Variants in ATP13A4 observed in about 807,000 individuals in gnomAD.
ATP13A4 encodes ATPase 13A4.
Under a neutral mutation model 142.5 loss-of-function variants are expected in ATP13A4, and 114 were observed. The ratio of observed to expected loss-of-function variants is 0.80; its 90% confidence interval spans 0.69 to 0.93. ATP13A4 has a LOEUF of 0.93. Ranked by LOEUF, ATP13A4 falls within the 40% of genes least tolerant of loss-of-function variation. ATP13A4 has a pLI of 0.00. For missense variants in ATP13A4, 1,392 were observed against 1,454.0 expected, an observed-to-expected ratio of 0.96 and a Z score of 0.69; for synonymous variants, 488 against 514.8, an observed-to-expected ratio of 0.95 and a Z score of 0.70.
intron 17 of ATP13A4, among the ~76,000 whole-genome samples, chr3:193,451,136 T>G (rs1435523407): frequency 1.3e-5 from 2 of 152,180 alleles, no homozygotes; most frequent in East Asian, 1.9e-4. Flanking sequence ...TTCAGCCTCT[T>G]GAACCTGGTG....
intron 1 of ATP13A4, among the ~76,000 whole-genome samples, chr3:193,587,139 A>G (rs1229537422): frequency 6.6e-6 from 1 of 152,208 alleles, no homozygotes; most frequent in Non-Finnish European, 1.5e-5. Flanking sequence ...ATTAGTCTCC[A>G]ATGGCTGCTG....
intron 1 of ATP13A4, among the ~76,000 whole-genome samples, chr3:193,548,842 T>C (rs935023497): frequency 4.6e-5 from 7 of 152,216 alleles, no homozygotes; most frequent in African/African-American, 1.7e-4. Flanking sequence ...CGAAATGACA[T>C]GGAAGTCCAA....
chr3:193,529,691 TG>T (rs1396149706), intron 1 of ATP13A4, among the ~76,000 whole-genome samples: 3 of 152,216 alleles, frequency 2.0e-5, no homozygotes, highest in South Asian at 2.1e-4. Context: ...TTTATTCATT[TG>T]TTTTTTTAGG....
intron 1 of ATP13A4, among the ~76,000 whole-genome samples, chr3:193,531,759 C>T (rs1722352189): frequency 6.6e-6 from 1 of 152,122 alleles, no homozygotes; most frequent in Non-Finnish European, 1.5e-5. Flanking sequence ...CAGTGCTACT[C>T]CTTACTGGGT....
chr3:193,507,368 T>C (rs1252365676), intron 2 of ATP13A4, among the ~76,000 whole-genome samples: 1 of 152,140 alleles, frequency 6.6e-6, no homozygotes, highest in Admixed American at 6.6e-5. Flanking sequence ...CTGGCCAGAC[T>C]CATTGATGCT....
intron 2 of ATP13A4, among the ~76,000 whole-genome samples, chr3:193,578,031 ACT>A (rs779675797): frequency 4.0e-4 from 61 of 152,130 alleles, no homozygotes; most frequent in Admixed American, 4.6e-4. Flanking sequence ...GCGGTGGCTC[ACT>A]CTTATAATCC....
At chr3:193,489,068 T>C (rs1351965110) in intron 7 of ATP13A4, among the ~76,000 whole-genome samples, 2 of 152,156 alleles carry the variant, frequency 1.3e-5, no homozygotes, top group Non-Finnish European at 2.9e-5. Context: ...AATAGTGATA[T>C]CTGCTGAATT....
At chr3:193,450,235 C>T (rs1377314704) in intron 17 of ATP13A4, among the ~76,000 whole-genome samples, 2 of 152,168 alleles carry the variant, frequency 1.3e-5, no homozygotes, top group Non-Finnish European at 2.9e-5. Context: ...TGCTTTGTCA[C>T]ACTGTCTCAG....
intron 2 of ATP13A4, among the ~76,000 whole-genome samples, chr3:193,504,245 A>T (rs909508589): frequency 6.6e-6 from 1 of 152,160 alleles, no homozygotes; most frequent in East Asian, 1.9e-4. Context: ...GAAGGGAGCT[A>T]AATTTTCAAT....
chr3:193,493,639 G>A (rs1367809368), intron 3 of ATP13A4, among the ~76,000 whole-genome samples: 1 of 152,124 alleles, frequency 6.6e-6, no homozygotes, highest in Non-Finnish European at 1.5e-5. Context: ...TGAGAAAATA[G>A]AAAGTATTTT....
intron 25 of ATP13A4, among the ~76,000 whole-genome samples, chr3:193,423,087 T>C (rs1715483765): frequency 6.7e-6 from 1 of 149,748 alleles, no homozygotes. Context: ...TATGAACAAC[T>C]GTATGCCAAC....
intron 1 of ATP13A4, among the ~76,000 whole-genome samples, chr3:193,536,369 A>G (rs1222408718): frequency 6.6e-6 from 1 of 152,080 alleles, no homozygotes; most frequent in Non-Finnish European, 1.5e-5. Context: ...TTGATTTAGC[A>G]GACCACCATG....
chr3:193,407,961 C>T (rs144954386), intron 28 of ATP13A4, among the ~76,000 whole-genome samples: 1 of 152,248 alleles, frequency 6.6e-6, no homozygotes, highest in East Asian at 1.9e-4. Flanking sequence ...CTCACAAGGG[C>T]CCTTGCCAAA....
In ATP13A4 at chr3:193,467,391, G is replaced by C. The variant is rs375719038; in HGVS notation, c.1039C>G (p.Leu347Val). The change falls in exon 10 of 30, where the codon CTC becomes GTC. Residue 347 changes from leucine to valine, a missense_variant. Physicochemically the swap from Leu to Val is conservative, Grantham distance 32. Transcript: ENST00000342695. ...TGGATAACCTCTGTTCCACAGAAGA[G>C]GACATGCCGCTTGTAATCCGCTTCA... ...QSEADYKRHV[L>V]FCGTEVIQAK... The C allele has an allele frequency of 1.9e-6, 3 of 1,613,992 alleles. No homozygotes were observed. The highest frequency in any genetic ancestry group is 2.5e-6 in the Non-Finnish European group (3 of 1,180,018).
chr3:193,579,254 AAG>A (rs1724478474), intron 2 of ATP13A4: 1 of 171,096 alleles, frequency 5.8e-6, no homozygotes, highest in Non-Finnish European at 1.2e-5. Context: ...GGAATAGTTG[AAG>A]ACACTCTTTC....
At chr3:193,570,439 T>G (rs1434570171) in intron 2 of ATP13A4, among the ~76,000 whole-genome samples, 1 of 152,242 alleles carries the variant, frequency 6.6e-6, no homozygotes, top group Non-Finnish European at 1.5e-5. Flanking sequence ...TCTTAATTAT[T>G]TATCATTAGA....
At chr3:193,503,492 C>T (rs1332295052) in intron 2 of ATP13A4, among the ~76,000 whole-genome samples, 1 of 152,084 alleles carries the variant, frequency 6.6e-6, no homozygotes, top group Non-Finnish European at 1.5e-5. Context: ...ACTGACAAAC[C>T]TCAGGATTCA....
At chr3:193,546,007 GTGTGTGTGTGTGTGTGTT>G (rs1322459187) in intron 1 of ATP13A4, among the ~76,000 whole-genome samples, 11 of 99,456 alleles carry the variant, frequency 1.1e-4, no homozygotes, top group Non-Finnish European at 1.8e-4. Context: ...GTGTGTGTGT[GTGTGTGTGTGTGTGTGTT>G]TTGGCAAGGA....
intron 23 of ATP13A4, among the ~76,000 whole-genome samples, chr3:193,436,538 A>C (rs1173873076): frequency 2.0e-5 from 3 of 151,682 alleles, no homozygotes; most frequent in Non-Finnish European, 4.4e-5. Context: ...ACCTCTGCCT[A>C]CCAGGTTCAA....
Sources: allele counts gnomAD v4.1 joint callset (sites outside exome capture counted in the v4.1 genomes callset), GRCh38; gene constraint gnomAD v4.1.1; transcripts MANE v1.5; gene names NCBI Gene and HGNC (gene_info 2026-07-23, HGNC 2026-07-21).